Variants in LRRC37A2 observed in about 807,000 individuals in gnomAD.
LRRC37A2 encodes the protein leucine-rich repeat-containing protein 37A2.
LRRC37A2 carries 9 observed loss-of-function variants against 68.8 expected under a neutral mutation model. The observed-to-expected ratio is 0.13, with a 90% CI of 0.08 to 0.23. The LOEUF (loss-of-function observed/expected upper bound fraction) is 0.23, where lower values mean the gene tolerates loss of function less well. Ranked by LOEUF, LRRC37A2 falls within the 10% of genes least tolerant of loss-of-function variation. The pLI is 1.00. For missense variants in LRRC37A2, 168 were observed against 950.4 expected (o/e 0.18, Z 10.82); for synonymous variants, 63 against 367.6 (o/e 0.17, Z 9.48).
the LRRC37A2 span, chr17:46,876,807 A>G: frequency 6.9e-7 from 1 of 1,451,088 alleles, no homozygotes; most frequent in East Asian, 2.5e-5. Context: ...GCAGACTGTC[A>G]TCACATGCAT....
chr17:46,974,626 C>G, the LRRC37A2 span, among the ~76,000 whole-genome samples: 2 of 151,780 alleles, frequency 1.3e-5, no homozygotes, highest in Non-Finnish European at 2.9e-5. Context: ...CCCAGCTACT[C>G]GGGAGGCTGA....
the LRRC37A2 span, among the ~76,000 whole-genome samples, chr17:46,998,298 C>G: frequency 6.6e-6 from 1 of 152,194 alleles, no homozygotes; most frequent in Admixed American, 6.5e-5. Flanking sequence ...CCGGCTCGGC[C>G]GTGAGTGTGC....
At chr17:46,819,775 C>T in the LRRC37A2 span, among the ~76,000 whole-genome samples, 1 of 152,248 alleles carries the variant, frequency 6.6e-6, no homozygotes, top group Admixed American at 6.5e-5. This position sits in a 1 kb window ranked among gnomAD's most constrained non-coding sequence, Gnocchi z 5.3. Flanking sequence ...TCCTTCCAGG[C>T]CCCCTTCGGG....
the LRRC37A2 span, among the ~76,000 whole-genome samples, chr17:46,408,664 TCTC>T: frequency 3.7e-5 from 1 of 27,324 alleles, no homozygotes; most frequent in Non-Finnish European, 1.8e-4. Flanking sequence ...TTGGCTCTCT[TCTC>T]CTTATTAGGA....
the LRRC37A2 span, among the ~76,000 whole-genome samples, chr17:47,002,394 T>A: frequency 9.2e-5 from 14 of 151,760 alleles, no homozygotes; most frequent in East Asian, 3.9e-4. Flanking sequence ...TTTTATTTTT[T>A]TTTTTTAGTT....
the LRRC37A2 span, chr17:46,830,618 C>CT: frequency 2.5e-6 from 1 of 398,546 alleles, no homozygotes; most frequent in Non-Finnish European, 4.4e-6. Flanking sequence ...ACTTTATTTT[C>CT]TTTTTTCTCC....
the LRRC37A2 span, among the ~76,000 whole-genome samples, chr17:46,697,220 T>G: frequency 7.7e-6 from 1 of 129,992 alleles, no homozygotes; most frequent in African/African-American, 3.2e-5. Context: ...TTTTTCTTTT[T>G]TTTTTTTTGA....
intron 6 of LRRC37A2, chr17:46,528,701 G>T (rs1216489897): frequency 1.6e-6 from 1 of 639,328 alleles, no homozygotes; most frequent in Non-Finnish European, 2.8e-6. Context: ...CTCCAGCCTG[G>T]GCAACAGAGT....
chr17:46,946,575 A>T, the LRRC37A2 span, among the ~76,000 whole-genome samples: 2 of 151,648 alleles, frequency 1.3e-5, no homozygotes, highest in African/African-American at 4.8e-5. Flanking sequence ...ATTAATAATT[A>T]TGAGAGGCCA....
the LRRC37A2 span, among the ~76,000 whole-genome samples, chr17:47,000,076 A>AAATAAAAT: frequency 2.0e-3 from 51 of 25,488 alleles, no homozygotes; most frequent in East Asian, 7.3e-3. Flanking sequence ...AAATAAAATA[A>AAATAAAAT]AAAATAAAAT....
chr17:46,703,707 A>AC, the LRRC37A2 span, among the ~76,000 whole-genome samples: 1 of 151,094 alleles, frequency 6.6e-6, no homozygotes, highest in African/African-American at 2.4e-5. Flanking sequence ...AAAAAAAACA[A>AC]AAAACAGAAA....
chr17:46,952,770 G>C, the LRRC37A2 span: 1 of 152,198 alleles, frequency 6.6e-6, no homozygotes, highest in African/African-American at 2.4e-5. Flanking sequence ...ATTGAGCCAT[G>C]CCTGAAGCCT....
the LRRC37A2 span, chr17:46,773,645 C>G: frequency 2.1e-5 from 30 of 1,399,428 alleles, no homozygotes; most frequent in African/African-American, 2.5e-4. Flanking sequence ...GCCCCTCCCC[C>G]CCCCTCAGCC....
chr17:46,839,889 G>A, the LRRC37A2 span, among the ~76,000 whole-genome samples: 1 of 151,632 alleles, frequency 6.6e-6, no homozygotes, highest in South Asian at 2.1e-4. Flanking sequence ...GTAGTCCATG[G>A]TGTATATGTG....
At chr17:46,882,928 C>T in the LRRC37A2 span, among the ~76,000 whole-genome samples, 1 of 152,106 alleles carries the variant, frequency 6.6e-6, no homozygotes, top group African/African-American at 2.4e-5. Flanking sequence ...CCTGTGCAGG[C>T]CATTTCCTCA....
chr17:46,926,248 G>C, the LRRC37A2 span, among the ~76,000 whole-genome samples: 2 of 152,170 alleles, frequency 1.3e-5, no homozygotes, highest in Non-Finnish European at 1.5e-5. Context: ...AAAATGACCA[G>C]ATTGTTGCCA....
the LRRC37A2 span, among the ~76,000 whole-genome samples, chr17:46,813,479 G>T: frequency 6.7e-6 from 1 of 150,176 alleles, no homozygotes; most frequent in Non-Finnish European, 1.5e-5. Context: ...GCGGGGGGTG[G>T]GGGTGGGGCT....
chr17:47,006,734 G>A, the LRRC37A2 span, among the ~76,000 whole-genome samples: 2 of 152,182 alleles, frequency 1.3e-5, no homozygotes, highest in South Asian at 4.1e-4. Flanking sequence ...CCCCAGAGAC[G>A]TGCTTCTTCA....
the LRRC37A2 span, chr17:46,768,234 C>T: frequency 1.3e-6 from 2 of 1,594,856 alleles, no homozygotes; most frequent in Non-Finnish European, 1.7e-6. The surrounding 1 kb of genome is among the most constrained non-coding windows in gnomAD (Gnocchi z 5.0). Flanking sequence ...AGGGGGTCGT[C>T]AAGAAGACGA....
Sources: gnomAD v4.1 joint callset for allele counts (sites outside exome capture counted in the v4.1 genomes callset) on GRCh38, gnomAD v4.1.1 for gene constraint, Gnocchi (gnomAD v3.1) non-coding constraint, MANE v1.5 for transcripts, NCBI Gene and HGNC (gene_info 2026-07-23, HGNC 2026-07-21) for gene names.